Variants in CERK observed in about 807,000 individuals in gnomAD.
CERK encodes acylsphingosine kinase.
In CERK, 39 loss-of-function variants were observed where a neutral mutation model predicts 63.4. That is an observed-to-expected ratio of 0.61 (90% confidence interval 0.48 to 0.80). The LOEUF (loss-of-function observed/expected upper bound fraction) is 0.80, where lower values mean the gene tolerates loss of function less well. Among genes scored for constraint, CERK ranks in the 30% least tolerant of loss-of-function variants. CERK has a pLI of 0.00. For synonymous variants in CERK, 302 were observed against 280.0 expected (o/e 1.08, Z -0.78); for missense variants, 670 against 714.1 (o/e 0.94, Z 0.70).
intron 6 of CERK, among the ~76,000 whole-genome samples, chr22:46,703,684 T>C (rs973633664): frequency 6.6e-6 from 1 of 152,070 alleles, no homozygotes; most frequent in East Asian, 1.9e-4. Flanking sequence ...GCAGCGCCCT[T>C]ACCGTCCAAG....
intron 1 of CERK, chr22:46,735,280 G>T: frequency 6.6e-6 from 1 of 152,288 alleles, no homozygotes. Context: ...CAGGGCACTT[G>T]CTGTCGCGGC....
intron 1 of CERK, among the ~76,000 whole-genome samples, chr22:46,732,573 C>G (rs2082950450): frequency 6.8e-6 from 1 of 147,814 alleles, no homozygotes; most frequent in Non-Finnish European, 1.5e-5. Flanking sequence ...ATTGTTGGGT[C>G]AAAGGATATC....
Position 46,693,415 on chromosome 22 carries a change from T to G in CERK, c.1126+12A>C. On this transcript the variant is annotated intron_variant, in intron 10 of 12. Transcript: ENST00000216264. ...CACAGTGACAACACTGAGCCTGTGT[T>G]TTAGGAATTACCCGCAGCTTCCAAA... 6.2e-7 allele frequency: 1 copy of G among 1,612,850 alleles called. No homozygotes were observed. Among genetic ancestry groups the G allele is most frequent in the Non-Finnish European group, 8.5e-7 (1 of 1,178,942 alleles).
At chr22:46,691,052 T>C (rs1012332668) in intron 11 of CERK, among the ~76,000 whole-genome samples, 9 of 78,514 alleles carry the variant, frequency 1.1e-4, no homozygotes, top group East Asian at 1.1e-3. Context: ...CATGTATACA[T>C]ACATACACAC....
At chr22:46,696,434 T>A (rs543088014) in intron 8 of CERK, among the ~76,000 whole-genome samples, 1 of 152,100 alleles carries the variant, frequency 6.6e-6, no homozygotes, top group East Asian at 1.9e-4. Flanking sequence ...TCAGCAACCT[T>A]CCAAGCCGGC....
At chr22:46,724,748 G>A (rs973839632) in intron 1 of CERK, among the ~76,000 whole-genome samples, 1 of 152,110 alleles carries the variant, frequency 6.6e-6, no homozygotes, top group Non-Finnish European at 1.5e-5. Flanking sequence ...AGCAGGGCGG[G>A]GTGGCTCACA....
At position 46,701,653 on chromosome 22, in the gene CERK, G is replaced by A. The variant is rs750361892; in HGVS notation, c.773C>T (p.Ala258Val). 16 of 1,558,868 alleles carry A rather than the reference G, an allele frequency of 1.0e-5. No homozygotes were observed. Among genetic ancestry groups the A allele is most frequent in the Admixed American group, 7.6e-5 (4 of 52,294 alleles). ...TVGTSDAETS[A>V]LHIVVGDSLA... Reference sequence around the variant, plus strand: ...GGGCTCACCAACAACGATATGCAGCGCCGAGGTTTCTGCGTCGCTGGTGCC... The same window carrying A: ...GGGCTCACCAACAACGATATGCAGCACCGAGGTTTCTGCGTCGCTGGTGCC... Residue 258 changes from alanine to valine, a missense_variant, in exon 7 of 13, where the codon GCG (alanine) becomes GTG (valine). Physicochemically the swap from Ala to Val is moderately conservative, Grantham distance 64. Coordinates refer to ENST00000216264, the MANE Select transcript of CERK (RefSeq NM_022766.6).
At chr22:46,721,336 A>G (rs1009162890) in intron 1 of CERK, among the ~76,000 whole-genome samples, 35 of 152,086 alleles carry the variant, frequency 2.3e-4, no homozygotes, top group Non-Finnish European at 2.9e-5. Context: ...GCTGTCGCCC[A>G]GGCTGGAGTG....
rs8143065 is a variant in CERK, at chr22:46,686,680, G to T, written c.*454C>A. On this transcript the variant is annotated 3_prime_UTR_variant, in exon 13 of 13. Coordinates refer to ENST00000216264, the MANE Select transcript of CERK (RefSeq NM_022766.6). ...GAGGAAGGTGAAATGAAGGCAAAGA[G>T]AATCAACCACTTCCCAAAACTTGGC... The T allele has an allele frequency of 0.029, 5,135 of 175,640 alleles. 101 individuals carry two copies. Among genetic ancestry groups the T allele is most frequent in the African/African-American group, 0.052 (2,183 of 42,082 alleles). 10.9% of individuals were successfully genotyped at this position (175,640 alleles called of 1,614,324 possible). A position where few individuals can be genotyped will look rare whatever the true frequency, so the allele number is the denominator to read the frequency against.
At chr22:46,697,034 A>G (rs929412723) in intron 8 of CERK, among the ~76,000 whole-genome samples, 3 of 152,212 alleles carry the variant, frequency 2.0e-5, no homozygotes, top group Admixed American at 2.0e-4. Flanking sequence ...TCCCTTTCTT[A>G]ATAAGCCTTA....
intron 11 of CERK, 82 bp from the exon 12 acceptor site, chr22:46,690,282 G>T: frequency 8.9e-7 from 1 of 1,125,634 alleles, no homozygotes; most frequent in Non-Finnish European, 1.3e-6. Context: ...AGGCCTGACA[G>T]CGAGCGCTGT....
Position 46,698,737 on chromosome 22 carries a change from CAAAA to C in CERK, c.943+572_943+575del, listed in dbSNP as rs11318333. On this transcript the variant is annotated intron_variant, in intron 8 of 12. Coordinates refer to ENST00000216264, the MANE Select transcript of CERK (RefSeq NM_022766.6). ...AAAACCCTTTGTCTACAAAAATATA[CAAAA>C]AAAAAAAAAATTAGCTGGTCACGGT... 1.1e-3 allele frequency among the ~76,000 whole-genome samples: 151 copies of C among 143,790 alleles called. 1 individual carries two copies. The highest frequency in any genetic ancestry group is 4.6e-3 in the Admixed American group (65 of 14,228). The allele number at this position is 143,790 out of a possible 152,430, so 94.3% of individuals were successfully genotyped here. A position where few individuals can be genotyped will look rare whatever the true frequency, so the allele number is the denominator to read the frequency against.
chr22:46,737,704 G>T (rs1423616602), intron 1 of CERK, among the ~76,000 whole-genome samples: 1 of 152,174 alleles, frequency 6.6e-6, no homozygotes, highest in Non-Finnish European at 1.5e-5. Flanking sequence ...CGGACAGACC[G>T]CACCGGGGGC....
chr22:46,737,748 G>A (rs1260486322), intron 1 of CERK, among the ~76,000 whole-genome samples: 9 of 152,234 alleles, frequency 5.9e-5, no homozygotes, highest in African/African-American at 1.7e-4. Context: ...ACCTCCCCGC[G>A]GGGATGGGGC....
rs1235476568 is a variant in CERK at position 46,733,209 on chromosome 22, A to C, written c.142+4798T>G. ...GGGCGACAGAGTGGGACTCTGTCTC[A>C]AAAAAAAAAAAAAAAAAAAAATTAA... On this transcript the variant is annotated intron_variant, in intron 1 of 12. Transcript: ENST00000216264. 7.9e-5 allele frequency among the ~76,000 whole-genome samples: 3 copies of C among 37,958 alleles called. No homozygotes were observed. In the East Asian group the frequency reaches 2.8e-3, roughly 36 times the overall value. 24.9% of individuals were successfully genotyped at this position (37,958 alleles called of 152,430 possible).
At chr22:46,729,531 C>T (rs1230815233) in intron 1 of CERK, among the ~76,000 whole-genome samples, 1 of 152,030 alleles carries the variant, frequency 6.6e-6, no homozygotes, top group Non-Finnish European at 1.5e-5. Flanking sequence ...GCCCCAGCCT[C>T]CTGAGTAGCT....
chr22:46,707,886 A>G lies in CERK; in HGVS notation c.672T>C (p.Ala224=). The change falls in exon 6 of 13, where the codon GCT becomes GCC. Residue 224 remains alanine (A), a synonymous_variant. Transcript: ENST00000216264. Reference sequence around the variant, plus strand: ...TCCGGAGGCTACTGGGGACCAGCACAGCCCGGGGGTGGTTCTGGTCGACCC... The same window carrying G: ...TCCGGAGGCTACTGGGGACCAGCACGGCCCGGGGGTGGTTCTGGTCGACCC... ...SAGVDQNHPR[A]VLVPSSLRIG... is the part of the protein sequence containing the mutation. 1.2e-6 allele frequency: 2 copies of G among 1,613,868 alleles called. No homozygotes were observed. The highest frequency in any genetic ancestry group is 1.7e-4 in the Middle Eastern group (1 of 6,060).
chr22:46,730,255 T>TAA (rs67082892), intron 1 of CERK, among the ~76,000 whole-genome samples: 22 of 128,424 alleles, frequency 1.7e-4, no homozygotes, highest in African/African-American at 6.3e-5. Flanking sequence ...CTGTCTCTAC[T>TAA]AAAAAAAAAA....
At chr22:46,721,720 C>T (rs752650575) in intron 1 of CERK, among the ~76,000 whole-genome samples, 5 of 152,108 alleles carry the variant, frequency 3.3e-5, no homozygotes, top group African/African-American at 9.7e-5. Flanking sequence ...TGACAGGACC[C>T]GGGACAGCTG....
Sources: allele counts gnomAD v4.1 joint callset (sites outside exome capture counted in the v4.1 genomes callset), GRCh38; gene constraint gnomAD v4.1.1; transcripts MANE v1.5; gene names NCBI Gene and HGNC (gene_info 2026-07-23, HGNC 2026-07-21).